Variants in FRMPD2 observed in about 807,000 individuals in gnomAD.
FRMPD2 encodes FERM and PDZ domain containing 2, also known as FERM and PDZ domain-containing protein 2.
A neutral mutation model predicts 140.1 loss-of-function variants in FRMPD2; 96 were observed. The observed-to-expected ratio is 0.69, with a 90% confidence interval of 0.58 to 0.81. The LOEUF (loss-of-function observed/expected upper bound fraction) is 0.81, where lower values mean the gene tolerates loss of function less well. FRMPD2 is among the 40% of genes least tolerant of loss of function. The probability of loss-of-function intolerance (pLI) is 0.00; values close to 1 mark genes in which losing one functional copy is unlikely to be tolerated. For synonymous variants in FRMPD2, 449 were observed against 547.6 expected (o/e 0.82, Z 2.52); for missense variants, 1,240 against 1,447.4 (o/e 0.86, Z 2.32).
chr10:48,226,241 A>G (rs1384775500), intron 10 of FRMPD2, among the ~76,000 whole-genome samples: 1 of 152,246 alleles, frequency 6.6e-6, no homozygotes, highest in East Asian at 1.9e-4. Flanking sequence ...TTCAAAACGC[A>G]TTCAGGACTC....
chr10:48,166,895 C>A (rs1838113391), intron 27 of FRMPD2, among the ~76,000 whole-genome samples: 1 of 83,908 alleles, frequency 1.2e-5, no homozygotes, highest in African/African-American at 4.7e-5. Context: ...CCTGCTAGAT[C>A]TTTATGGGCT....
chr10:48,239,038 C>A (rs1262824813), intron 7 of FRMPD2, among the ~76,000 whole-genome samples: 3 of 152,216 alleles, frequency 2.0e-5, no homozygotes, highest in Non-Finnish European at 2.9e-5. Flanking sequence ...CAGTTCCTCT[C>A]TGTCAGTTCT....
At chr10:48,264,674 G>A (rs750286438) in intron 1 of FRMPD2, among the ~76,000 whole-genome samples, 30 of 152,058 alleles carry the variant, frequency 2.0e-4, no homozygotes, top group Admixed American at 6.6e-4. Flanking sequence ...AATAAAGGAA[G>A]AGTATTCTAT....
At chr10:48,238,791 G>T (rs951108657) in intron 7 of FRMPD2, among the ~76,000 whole-genome samples, 11 of 152,208 alleles carry the variant, frequency 7.2e-5, no homozygotes, top group African/African-American at 2.7e-4. Context: ...TTGCAAAAAT[G>T]TCCACAGTTC....
At chr10:48,244,689 G>A in intron 4 of FRMPD2, 95 bp downstream of exon 4, 1 of 894,928 alleles carries the variant, frequency 1.1e-6, no homozygotes, top group Non-Finnish European at 1.9e-6. Flanking sequence ...GTGGCATTAT[G>A]TGTGCTCAGT....
At chr10:48,158,085 C>T (rs1837833070) in intron 28 of FRMPD2, among the ~76,000 whole-genome samples, 1 of 150,724 alleles carries the variant, frequency 6.6e-6, no homozygotes, top group South Asian at 2.1e-4. Flanking sequence ...GCTCCTTGCC[C>T]TCTGGTTTTG....
chr10:48,266,522 C>A (rs1404552806), intron 1 of FRMPD2, among the ~76,000 whole-genome samples: 4 of 152,080 alleles, frequency 2.6e-5, no homozygotes, highest in African/African-American at 7.2e-5. Flanking sequence ...AAAATAGAGT[C>A]AAAAAATAGA....
Position 48,184,571 on chromosome 10 carries a change from G to T in FRMPD2, c.2579C>A (p.Ser860Ter). 6.3e-7 allele frequency: 1 copy of T among 1,595,972 alleles called. No homozygotes were observed. Among genetic ancestry groups the T allele is most frequent in the Non-Finnish European group, 8.6e-7 (1 of 1,163,684 alleles). The change falls in exon 20 of 29, where the codon TCA becomes TAA. Residue 860 changes from serine (S) to a stop codon, truncating the protein, a stop_gained. Coordinates refer to ENST00000374201, the MANE Select transcript of FRMPD2 (RefSeq NM_001018071.4). LOFTEE classifies it high-confidence loss of function. ...PDNIELIISQ[S>*]KGVGGNNPDE... ...AAGAGTGGGTTAAAACATACCTTTT[G>T]ACTGAGAAATAATTAATTCTATGTT...
chr10:48,273,030 TG>T (rs1840796157), intron 1 of FRMPD2, among the ~76,000 whole-genome samples: 1 of 152,246 alleles, frequency 6.6e-6, no homozygotes, highest in Non-Finnish European at 1.5e-5. Context: ...ATATAGAATT[TG>T]TAATAAAGAG....
At chr10:48,188,916 A>G (rs1259883432) in intron 16 of FRMPD2, among the ~76,000 whole-genome samples, 1 of 152,200 alleles carries the variant, frequency 6.6e-6, no homozygotes, top group Non-Finnish European at 1.5e-5. Flanking sequence ...GGAGCACGGC[A>G]GCGGCCAGGG....
chr10:48,247,112 A>C (rs1840268039), intron 3 of FRMPD2, among the ~76,000 whole-genome samples: 1 of 152,210 alleles, frequency 6.6e-6, no homozygotes, highest in South Asian at 2.1e-4. Context: ...TCTTAACTCA[A>C]CCTATTAGTC....
intron 3 of FRMPD2, among the ~76,000 whole-genome samples, chr10:48,246,721 G>A (rs562711860): frequency 7.2e-5 from 11 of 152,338 alleles, no homozygotes; most frequent in African/African-American, 2.6e-4. Flanking sequence ...AGGACTGGGG[G>A]AGGATTCTGA....
chr10:48,217,893 C>T (rs370978229), intron 12 of FRMPD2, among the ~76,000 whole-genome samples: 2 of 152,218 alleles, frequency 1.3e-5, no homozygotes, highest in East Asian at 3.8e-4. Context: ...CCAGTGGTGG[C>T]TACTGTTCCT....
intron 16 of FRMPD2, among the ~76,000 whole-genome samples, chr10:48,189,579 C>T (rs573058408): frequency 3.9e-5 from 6 of 152,358 alleles, no homozygotes; most frequent in Admixed American, 2.6e-4. Flanking sequence ...GCCACCTCTC[C>T]GCTGGCCTGT....
chr10:48,200,502 G>A (rs542307046), intron 15 of FRMPD2, among the ~76,000 whole-genome samples: 1 of 152,312 alleles, frequency 6.6e-6, no homozygotes, highest in South Asian at 2.1e-4. Context: ...ACACACCTTT[G>A]TTTTATACCA....
chr10:48,186,102 C>A (rs1043853094), intron 17 of FRMPD2, among the ~76,000 whole-genome samples: 15 of 152,358 alleles, frequency 9.8e-5, no homozygotes, highest in African/African-American at 3.6e-4. Flanking sequence ...AAGGTGCCAG[C>A]AGCCCAGCCT....
chr10:48,215,028 G>A (rs553498203), intron 12 of FRMPD2, among the ~76,000 whole-genome samples: 2 of 152,370 alleles, frequency 1.3e-5, no homozygotes, highest in African/African-American at 4.8e-5. Context: ...CTGCTGTGAT[G>A]ATGTGATTAA....
chr10:48,262,664 T>C (rs1390182654), intron 1 of FRMPD2, among the ~76,000 whole-genome samples: 1 of 152,210 alleles, frequency 6.6e-6, no homozygotes, highest in East Asian at 1.9e-4. Flanking sequence ...CTGTAGGCTA[T>C]TTTATCCAAC....
intron 3 of FRMPD2, among the ~76,000 whole-genome samples, chr10:48,247,976 G>A (rs1840290351): frequency 6.6e-6 from 1 of 152,164 alleles, no homozygotes. Context: ...CACTGGAACT[G>A]GAACTCTTAT....
Sources: allele counts gnomAD v4.1 joint callset (sites outside exome capture counted in the v4.1 genomes callset), GRCh38; gene constraint gnomAD v4.1.1; transcripts MANE v1.5; gene names NCBI Gene and HGNC (gene_info 2026-07-23, HGNC 2026-07-21).